The following ZNF385D variants were observed in gnomAD, a reference collection of about 807,000 sequenced individuals.
The protein encoded by ZNF385D is zinc finger protein 385D.
ZNF385D carries 15 observed loss-of-function variants against 35.8 expected under a neutral mutation model. The ratio of observed to expected loss-of-function variants is 0.42; its 90% CI spans 0.28 to 0.64. ZNF385D has a LOEUF of 0.64. Ranked by LOEUF, ZNF385D falls within the 30% of genes least tolerant of loss-of-function variation. The pLI, the probability that ZNF385D is intolerant of heterozygous loss-of-function variation, is 0.23. For missense variants in ZNF385D, 474 were observed against 494.6 expected, an observed-to-expected ratio of 0.96 and a Z score of 0.39; for synonymous variants, 212 against 186.8, an observed-to-expected ratio of 1.13 and a Z score of -1.10.
intron 1 of ZNF385D, among the ~76,000 whole-genome samples, chr3:21,748,333 T>G (rs79190445): frequency 6.6e-6 from 1 of 150,578 alleles, no homozygotes; most frequent in East Asian, 2.0e-4. Flanking sequence ...CAGGGTCCAG[T>G]TGTCCAGTCC....
intron 3 of ZNF385D, among the ~76,000 whole-genome samples, chr3:21,817,268 G>T (rs902050176): frequency 6.6e-6 from 1 of 152,144 alleles, no homozygotes; most frequent in African/African-American, 2.4e-5. Flanking sequence ...CAGGACATAG[G>T]CATGGGCAAG....
At chr3:22,256,829 T>G (rs185376337) in intron 2 of ZNF385D, among the ~76,000 whole-genome samples, 1 of 151,922 alleles carries the variant, frequency 6.6e-6, no homozygotes, top group Non-Finnish European at 1.5e-5. Flanking sequence ...AACTCTCTCG[T>G]CTTCACAGAT....
At chr3:21,966,965 G>A (rs73048144) in intron 3 of ZNF385D, among the ~76,000 whole-genome samples, 5,739 of 152,236 alleles carry the variant, frequency 0.038, 141 homozygotes, top group Middle Eastern at 0.075. Context: ...GGATTTATGA[G>A]TTTTGTGTGT....
chr3:21,804,427 T>C (rs2072542627), intron 3 of ZNF385D, among the ~76,000 whole-genome samples: 1 of 152,122 alleles, frequency 6.6e-6, no homozygotes, highest in African/African-American at 2.4e-5. Context: ...CGTGAAAAAT[T>C]GAGTAAATAT....
intron 3 of ZNF385D, among the ~76,000 whole-genome samples, chr3:21,933,987 A>G (rs897259414): frequency 7.0e-6 from 1 of 143,806 alleles, no homozygotes; most frequent in African/African-American, 2.7e-5. Flanking sequence ...TATTATTTAC[A>G]TAGTAACTCA....
rs1237487486 is a variant in ZNF385D at position 22,027,124 on chromosome 3, G to A, written c.325+141693C>T. Among the ~76,000 whole-genome samples the A allele has an allele frequency of 8.5e-5, 13 of 152,216 alleles. 1 individual carries two copies. Among genetic ancestry groups the A allele is most frequent in the Admixed American group, 8.5e-4 (13 of 15,278 alleles). ...AATATACCTTTACTGTCCTACCTCA[G>A]GGGTGTATTAGCTCAGATACTCCTT... On this transcript the variant is annotated intron_variant, in intron 3 of 5. Coordinates refer to the ZNF385D transcript ENST00000494108.
chr3:21,963,545 A>T (rs1702713555), intron 3 of ZNF385D, among the ~76,000 whole-genome samples: 1 of 152,338 alleles, frequency 6.6e-6, no homozygotes, highest in Admixed American at 6.5e-5. Flanking sequence ...ATATTCTGAA[A>T]AATGAGACCA....
At chr3:21,569,590 T>A (rs958771731) in intron 2 of ZNF385D, among the ~76,000 whole-genome samples, 2 of 151,426 alleles carry the variant, frequency 1.3e-5, no homozygotes, top group Admixed American at 6.6e-5. Flanking sequence ...TACGTGTGAA[T>A]TTGATCCTGT....
intron 1 of ZNF385D, among the ~76,000 whole-genome samples, chr3:21,680,951 C>T (rs1201447951): frequency 1.3e-5 from 2 of 152,120 alleles, no homozygotes; most frequent in African/African-American, 4.8e-5. Flanking sequence ...ACACACACAG[C>T]CTTTCAACGG....
At chr3:21,564,494 TAAG>T (rs2063070960) in intron 3 of ZNF385D, 77 bp downstream of exon 3, 1 of 847,108 alleles carries the variant, frequency 1.2e-6, no homozygotes, top group Admixed American at 3.1e-5. Context: ...GAAAATGTCT[TAAG>T]AAATCTTTTC....
chr3:22,133,461 A>G (rs1703923784), intron 3 of ZNF385D: 1 of 135,474 alleles, frequency 7.4e-6, no homozygotes, highest in African/African-American at 3.9e-5. Context: ...AGACATATCA[A>G]AAAAACTGCT....
chr3:21,689,180 G>A (rs949505366), intron 1 of ZNF385D, among the ~76,000 whole-genome samples: 14 of 149,008 alleles, frequency 9.4e-5, no homozygotes, highest in East Asian at 5.9e-4. Flanking sequence ...CTGAATAGTC[G>A]TATCTCAGAG....
chr3:22,344,810 T>TG (rs1183826427), intron 2 of ZNF385D, among the ~76,000 whole-genome samples: 10 of 152,218 alleles, frequency 6.6e-5, no homozygotes, highest in Non-Finnish European at 1.3e-4. Flanking sequence ...AAGTAAATGC[T>TG]GGTTCTATTT....
At chr3:22,264,454 A>T (rs1461041424) in intron 2 of ZNF385D, among the ~76,000 whole-genome samples, 1 of 152,008 alleles carries the variant, frequency 6.6e-6, no homozygotes, top group South Asian at 2.1e-4. Context: ...TGAATCTACA[A>T]TGCATGGGTC....
At chr3:21,997,618 A>T (rs937206017) in intron 3 of ZNF385D, among the ~76,000 whole-genome samples, 3 of 151,692 alleles carry the variant, frequency 2.0e-5, no homozygotes, top group African/African-American at 4.8e-5. Flanking sequence ...AGAGAGAGAG[A>T]GTGTAAGTGT....
intron 3 of ZNF385D, among the ~76,000 whole-genome samples, chr3:22,111,270 G>C (rs1702518358): frequency 7.1e-6 from 1 of 140,174 alleles, no homozygotes; most frequent in South Asian, 2.3e-4. Flanking sequence ...TTCAAGAAAA[G>C]ATTAGAAACT....
chr3:21,961,720 A>G (rs1472480654), intron 3 of ZNF385D, among the ~76,000 whole-genome samples: 1 of 152,150 alleles, frequency 6.6e-6, no homozygotes. Context: ...ATAGGATTCT[A>G]ACATGATCCA....
chr3:21,697,053 G>C (rs2067495595), intron 1 of ZNF385D, among the ~76,000 whole-genome samples: 1 of 152,174 alleles, frequency 6.6e-6, no homozygotes, highest in South Asian at 2.1e-4. Context: ...CTTAGGTTAA[G>C]TACTTGTTCT....
chr3:21,500,240 ATGTACTT>A (rs1480468304), intron 4 of ZNF385D, among the ~76,000 whole-genome samples: 3 of 152,200 alleles, frequency 2.0e-5, no homozygotes, highest in African/African-American at 7.2e-5. Context: ...AGTTGTTACT[ATGTACTT>A]TGGTATGTGT....
Sources: allele counts gnomAD v4.1 joint callset (sites outside exome capture counted in the v4.1 genomes callset), GRCh38; gene constraint gnomAD v4.1.1; transcripts MANE v1.5; gene names NCBI Gene and HGNC (gene_info 2026-07-23, HGNC 2026-07-21).